TAFA2: variants seen among roughly 807,000 people sequenced by gnomAD.
The protein encoded by TAFA2 is chemokine-like protein TAFA-2.
TAFA2 carries 7 observed loss-of-function variants against 18.8 expected under a neutral mutation model. The observed-to-expected ratio is 0.37, with a 90% CI of 0.21 to 0.70. The LOEUF is 0.70. Ranked by LOEUF, TAFA2 falls within the 30% of genes least tolerant of loss-of-function variation. The pLI, the probability that TAFA2 is intolerant of heterozygous loss-of-function variation, is 0.53. For synonymous variants in TAFA2, 60 were observed against 54.2 expected, an observed-to-expected ratio of 1.11 and a Z score of -0.47; for missense variants, 122 against 158.1, an observed-to-expected ratio of 0.77 and a Z score of 1.23.
At chr12:62,165,900 GTC>G (rs139551297) in intron 1 of TAFA2, among the ~76,000 whole-genome samples, 24 of 140,868 alleles carry the variant, frequency 1.7e-4, no homozygotes, top group Non-Finnish European at 2.2e-4. Flanking sequence ...ACTTAATACA[GTC>G]TCTCTCTCTC....
intron 2 of TAFA2, among the ~76,000 whole-genome samples, chr12:61,782,562 C>T (rs972677309): frequency 1.1e-4 from 16 of 151,648 alleles, no homozygotes; most frequent in African/African-American, 3.9e-4. Context: ...CAAGCTGCAC[C>T]CTGTCCACTT....
At chr12:62,121,464 C>T (rs988433618) in intron 1 of TAFA2, among the ~76,000 whole-genome samples, 12 of 152,044 alleles carry the variant, frequency 7.9e-5, no homozygotes, top group Non-Finnish European at 1.2e-4. Flanking sequence ...TGAGAAATAA[C>T]GAATTCCCAT....
rs547794206 is a variant in TAFA2, at chr12:62,202,346, GT to G, written c.-130+56416del. 3.8e-3 allele frequency among the ~76,000 whole-genome samples: 553 copies of G among 144,212 alleles called. 4 individuals are homozygous for G. The highest frequency in any genetic ancestry group is 0.012 in the African/African-American group (461 of 39,652). 94.6% of individuals were successfully genotyped at this position (144,212 alleles called of 152,430 possible). On this transcript the variant is annotated intron_variant, in intron 1 of 5. Coordinates refer to the TAFA2 transcript ENST00000551619. ...TGATGTTAGATTTGAGATCTTTCTA[GT>G]TTTTTTTTTTTCTTTTTGAGACAGA...
intron 1 of TAFA2, among the ~76,000 whole-genome samples, chr12:61,948,507 A>C (rs1878357418): frequency 6.6e-6 from 1 of 152,162 alleles, no homozygotes; most frequent in Non-Finnish European, 1.5e-5. Context: ...ACAATTAGAG[A>C]TATAGAAGGC....
At chr12:62,242,338 G>A (rs2062866333) in intron 1 of TAFA2, 2 of 151,906 alleles carry the variant, frequency 1.3e-5, no homozygotes, top group Non-Finnish European at 2.9e-5. Context: ...AAAGAAAAAA[G>A]GAAAAATGAA....
intron 2 of TAFA2, among the ~76,000 whole-genome samples, chr12:61,824,617 T>A (rs953281791): frequency 6.6e-6 from 1 of 152,212 alleles, no homozygotes; most frequent in Non-Finnish European, 1.5e-5. Flanking sequence ...ACATCTTAGA[T>A]AATGAATAAA....
chr12:61,770,243 G>A (rs929278877), intron 2 of TAFA2, among the ~76,000 whole-genome samples: 1 of 152,116 alleles, frequency 6.6e-6, no homozygotes, highest in Non-Finnish European at 1.5e-5. Context: ...TTGGAATTAT[G>A]TTAATCAAAC....
chr12:62,189,938 CTTTGTG>C (rs993752596), intron 1 of TAFA2, among the ~76,000 whole-genome samples: 49 of 67,238 alleles, frequency 7.3e-4, no homozygotes, highest in Admixed American at 1.6e-3. Context: ...TATGAGTTTG[CTTTGTG>C]TGTGTGTGTG....
At chr12:62,189,228 C>A (rs958887887) in intron 1 of TAFA2, among the ~76,000 whole-genome samples, 2 of 152,148 alleles carry the variant, frequency 1.3e-5, no homozygotes, top group Non-Finnish European at 2.9e-5. Flanking sequence ...AAACAACACA[C>A]TAAAGCCATT....
chr12:61,910,108 G>T (rs200408722), intron 1 of TAFA2, among the ~76,000 whole-genome samples: 481 of 64,938 alleles, frequency 7.4e-3, no homozygotes, highest in Non-Finnish European at 0.012. Flanking sequence ...GTTTGTGTGT[G>T]TGTGTGTGTG....
rs1292011612 is a variant in TAFA2 at position 61,725,643 on chromosome 12, G to C, written c.385-15226C>G. Among the ~76,000 whole-genome samples the C allele has an allele frequency of 2.6e-5, 4 of 151,922 alleles. No individual in the cohort carries two copies. The East Asian group carries it at 7.7e-4, about 29-fold the overall frequency. ...TCTGTATTCTGTTCCATTGGTCTTT[G>C]TGCCTATTTTTATACCAGTACCATG... On this transcript the variant is annotated intron_variant, in intron 4 of 4. Coordinates refer to ENST00000416284, the MANE Select transcript of TAFA2 (RefSeq NM_178539.5).
intron 1 of TAFA2, among the ~76,000 whole-genome samples, chr12:62,004,174 C>G (rs1451204342): frequency 1.3e-5 from 2 of 152,014 alleles, no homozygotes; most frequent in Non-Finnish European, 2.9e-5. Flanking sequence ...TAAATACCAA[C>G]ACTTAAGAGC....
chr12:61,976,716 C>T (rs1879448944), intron 1 of TAFA2, among the ~76,000 whole-genome samples: 1 of 151,948 alleles, frequency 6.6e-6, no homozygotes, highest in Non-Finnish European at 1.5e-5. Flanking sequence ...GTGTGATGTT[C>T]CCTACCCTCT....
At chr12:62,087,102 G>A (rs1868486289) in intron 1 of TAFA2, among the ~76,000 whole-genome samples, 1 of 152,054 alleles carries the variant, frequency 6.6e-6, no homozygotes, top group African/African-American at 2.4e-5. Context: ...TGTTCATAGA[G>A]ACAGAAAGTA....
At chr12:61,817,472 C>T (rs1872131254) in intron 2 of TAFA2, among the ~76,000 whole-genome samples, 1 of 151,990 alleles carries the variant, frequency 6.6e-6, no homozygotes, top group African/African-American at 2.4e-5. Flanking sequence ...TGATAAGGAA[C>T]TTATATGGCT....
intron 4 of TAFA2, among the ~76,000 whole-genome samples, chr12:61,737,329 T>TG (rs1868320829): frequency 1.3e-5 from 2 of 151,968 alleles, no homozygotes; most frequent in Non-Finnish European, 2.9e-5. Context: ...GCATATCTTT[T>TG]TCAATTTCTC....
chr12:62,245,710 A>G (rs946458095), intron 1 of TAFA2, among the ~76,000 whole-genome samples: 5 of 146,326 alleles, frequency 3.4e-5, no homozygotes, highest in Admixed American at 2.0e-4. Context: ...ATATATTTAT[A>G]TATTTTATTT....
rs143176898 is a variant in TAFA2 at position 61,845,206 on chromosome 12, C to G, written c.106+22114G>C. Reference sequence around the variant, plus strand: ...GAGAAGGCTCCAGCCTAATCATGCCCGTAGCAGTTGTAGTACTGGCAAAAA... The same window carrying G: ...GAGAAGGCTCCAGCCTAATCATGCCGGTAGCAGTTGTAGTACTGGCAAAAA... On this transcript the variant is annotated intron_variant, in intron 2 of 4. Coordinates refer to ENST00000416284, the MANE Select transcript of TAFA2 (RefSeq NM_178539.5). Among the ~76,000 whole-genome samples the G allele has an allele frequency of 2.8e-4, 42 of 152,146 alleles. No individual in the cohort carries two copies. The East Asian group carries it at 7.9e-3, about 29-fold the overall frequency.
At chr12:62,110,940 T>G (rs1156837249) in intron 1 of TAFA2, among the ~76,000 whole-genome samples, 1 of 152,020 alleles carries the variant, frequency 6.6e-6, no homozygotes, top group Non-Finnish European at 1.5e-5. Flanking sequence ...AAAAACAGCT[T>G]CTGGATTCAT....
Sources: allele counts gnomAD v4.1 joint callset (sites outside exome capture counted in the v4.1 genomes callset), GRCh38; gene constraint gnomAD v4.1.1; transcripts MANE v1.5; gene names NCBI Gene and HGNC (gene_info 2026-07-23, HGNC 2026-07-21).